Variants in TMEM92 observed in about 807,000 individuals in gnomAD.
The protein encoded by TMEM92 is transmembrane protein 92.
In TMEM92, 15 loss-of-function variants were observed where a neutral mutation model predicts 14.6. The ratio of observed to expected loss-of-function variants is 1.03; its 90% CI spans 0.69 to 1.58. TMEM92 has a LOEUF of 1.58. TMEM92 is among the 40% of genes most tolerant of loss of function. The probability of loss-of-function intolerance (pLI) is 0.00; values close to 1 mark genes in which losing one functional copy is unlikely to be tolerated. For missense variants in TMEM92, 174 were observed against 202.4 expected, an observed-to-expected ratio of 0.86 and a Z score of 0.85; for synonymous variants, 85 against 83.3, an observed-to-expected ratio of 1.02 and a Z score of -0.11.
chr17:50,275,287 G>A (rs190291216), intron 1 of TMEM92, among the ~76,000 whole-genome samples: 2 of 152,144 alleles, frequency 1.3e-5, no homozygotes, highest in East Asian at 1.9e-4. Flanking sequence ...TTTAAGAACC[G>A]GAGGGAAGTC....
At chr17:50,274,203 A>T (rs1482465046), upstream of TMEM92, among the ~76,000 whole-genome samples, 1 of 151,946 alleles carries the variant, frequency 6.6e-6, no homozygotes, top group East Asian at 1.9e-4. Context: ...CTGGTCTCGA[A>T]CTCCTGACCT....
chr17:50,277,144 G>T (rs1404441758), intron 1 of TMEM92, among the ~76,000 whole-genome samples: 9 of 152,146 alleles, frequency 5.9e-5, no homozygotes. Flanking sequence ...GGATCTGAAG[G>T]ATGAATGGAG....
Position 50,279,247 on chromosome 17 carries a change from A to G in TMEM92, c.419A>G (p.Tyr140Cys). The change falls in exon 5 of 5, where the codon TAC becomes TGC. Residue 140 changes from tyrosine (Y) to cysteine (C), a missense_variant. Coordinates refer to ENST00000507382, the MANE Select transcript of TMEM92 (RefSeq NM_153229.3). ...GPTPTEPPPP[Y>C]SFRPEEYTGD... ...ACTCCCACAGAGCCACCCCCTCCCTACAGCTTCAGGCCTGAAGAATATACC... is the reference window on the plus strand; with the variant it reads ...ACTCCCACAGAGCCACCCCCTCCCTGCAGCTTCAGGCCTGAAGAATATACC... 6.2e-7 allele frequency: 1 copy of G among 1,613,772 alleles called. No homozygotes were observed. The highest frequency in any genetic ancestry group is 1.3e-5 in the African/African-American group (1 of 74,982).
At position 50,277,713 on chromosome 17, in the gene TMEM92, A is replaced by G. The variant is rs1420132283; in HGVS notation, c.70-2A>G. 2 of 1,613,882 alleles carry G rather than the reference A, an allele frequency of 1.2e-6. No individual in the cohort carries two copies. Among genetic ancestry groups the G allele is most frequent in the Non-Finnish European group, 1.7e-6 (2 of 1,179,906 alleles). The stretch of plus-strand genomic sequence containing the variant: ...ACCCCCGACCTCTCTTTTCTTCCAC[A>G]GATTGCAGCCAAATGTGGTCTCATC... On this transcript the variant is annotated splice_acceptor_variant, in intron 1 of 4. Coordinates refer to ENST00000507382, the MANE Select transcript of TMEM92 (RefSeq NM_153229.3). LOFTEE classifies it high-confidence loss of function.
At position 50,277,745 on chromosome 17, in the gene TMEM92, G is replaced by A. The variant is rs781048826; in HGVS notation, c.95+5G>A. The A allele has an allele frequency of 1.2e-6, 2 of 1,613,896 alleles. No individual in the cohort carries two copies. Among genetic ancestry groups the A allele is most frequent in the Non-Finnish European group, 1.7e-6 (2 of 1,179,962 alleles). ...AGCCAAATGTGGTCTCATCCTGTAA[G>A]TCTAGAGGCCATAACTTCCAATCTG... is the stretch of plus-strand genomic sequence containing the variant. On this transcript the variant is annotated splice_donor_5th_base_variant and intron_variant, in intron 2 of 4. Transcript: ENST00000507382.
At position 50,278,582 on chromosome 17, in the gene TMEM92, G is replaced by T. The variant is rs370456083; in HGVS notation, c.122G>T (p.Cys41Phe). 1.9e-6 allele frequency: 3 copies of T among 1,613,980 alleles called. No individual in the cohort carries two copies. Among genetic ancestry groups the T allele is most frequent in the Non-Finnish European group, 2.5e-6 (3 of 1,180,004 alleles). ...GCCTGCCCCAAAGGATTCAAATGCT[G>T]TGGTGACAGCTGCTGCCAGGAGAAC... is the stretch of plus-strand genomic sequence containing the variant. ...ILACPKGFKC[C>F]GDSCCQENEL... The change falls in exon 3 of 5, where the codon TGT (cysteine) becomes TTT (phenylalanine). Residue 41 changes from cysteine (C) to phenylalanine (F), a missense_variant. Physicochemically the swap from Cys to Phe is radical, Grantham distance 205. Coordinates refer to ENST00000507382, the MANE Select transcript of TMEM92 (RefSeq NM_153229.3).
In TMEM92 at chr17:50,278,828, C is replaced by T. The variant is rs1239915601; in HGVS notation, c.198C>T (p.Ile66=). 1.2e-6 allele frequency: 2 copies of T among 1,612,990 alleles called. No homozygotes were observed. Among genetic ancestry groups the T allele is most frequent in the East Asian group, 2.2e-5 (1 of 44,844 alleles). The change falls in exon 4 of 5, where the codon ATC becomes ATT. Residue 66 remains isoleucine, a synonymous_variant. Transcript: ENST00000507382. ...VRIFVIIFLV[I]LSVFCICGLA... The stretch of plus-strand genomic sequence containing the variant: ...TCTTCGTCATCATCTTCCTGGTCAT[C>T]CTGTCCGTCTTTTGCATCTGTGGCC...
At chr17:50,274,973 CCCA>C in intron 1 of TMEM92, 1 of 195,750 alleles carries the variant, frequency 5.1e-6, no homozygotes, top group Non-Finnish European at 1.0e-5. Context: ...CTGGGATGTC[CCCA>C]CCCTCTTTGG....
chr17:50,279,066 C>CTCTG, intron 4 of TMEM92, 70 bp downstream of exon 4: 1 of 1,419,438 alleles, frequency 7.0e-7, no homozygotes, highest in Non-Finnish European at 9.9e-7. Flanking sequence ...GAGGGCCCTT[C>CTCTG]GATCCTGGAG....
chr17:50,277,951 G>T (rs554601663), intron 2 of TMEM92, among the ~76,000 whole-genome samples: 20 of 152,242 alleles, frequency 1.3e-4, no homozygotes, highest in African/African-American at 4.8e-4. Flanking sequence ...ACACTTGCAG[G>T]CAGGTCTGTA....
At chr17:50,278,456 A>C in intron 2 of TMEM92, 100 bp from the exon 3 acceptor site, 1 of 1,367,780 alleles carries the variant, frequency 7.3e-7, no homozygotes, top group South Asian at 1.3e-5. Flanking sequence ...GGCTTGTGCC[A>C]TGAGCATCTT....
rs1598331214 is a variant in TMEM92 at position 50,279,968 on chromosome 17, G to A, written c.*660G>A. 1 of 153,118 alleles carries A rather than the reference G, an allele frequency of 6.5e-6. No individual in the cohort carries two copies. The highest frequency in any genetic ancestry group is 1.5e-5 in the Non-Finnish European group (1 of 68,746). The allele number at this position is 153,118 out of a possible 1,614,324, so 9.5% of individuals were successfully genotyped here. On this transcript the variant is annotated 3_prime_UTR_variant, in exon 5 of 5. Transcript: ENST00000507382. ...TCCATCCATGGGCCGCCCTCGGAGA[G>A]AGGCTTGTTCTAGATGTATTGGCTG...
intron 1 of TMEM92, among the ~76,000 whole-genome samples, chr17:50,275,332 A>G (rs2143041916): frequency 6.6e-6 from 1 of 152,148 alleles, no homozygotes; most frequent in Middle Eastern, 3.4e-3. Context: ...AGAACAGGGC[A>G]CCTTCACACA....
upstream of TMEM92, among the ~76,000 whole-genome samples, chr17:50,271,987 C>T (rs536989425): frequency 2.6e-5 from 4 of 152,220 alleles, no homozygotes; most frequent in Middle Eastern, 6.8e-3. Context: ...TTGCAGTGAG[C>T]TCACACCACT....
chr17:50,279,021 C>A (rs747763498), intron 4 of TMEM92, 25 bp downstream of exon 4: 5 of 1,535,962 alleles, frequency 3.3e-6, no homozygotes, highest in Non-Finnish European at 4.5e-6. Context: ...CCCATCCCCA[C>A]CTTGCCTCTG....
chr17:50,279,525 C>G lies in TMEM92; in HGVS notation c.*217C>G. Reference sequence around the variant, plus strand: ...CTGGAGTGACAGTTTCCGCCCACCCCCCAGCCCAAGAAAGAGGCTGCCGGA... The same window carrying G: ...CTGGAGTGACAGTTTCCGCCCACCCGCCAGCCCAAGAAAGAGGCTGCCGGA... On this transcript the variant is annotated 3_prime_UTR_variant, in exon 5 of 5. Transcript: ENST00000507382. 1 of 517,958 alleles carries G rather than the reference C, an allele frequency of 1.9e-6. No individual in the cohort carries two copies. The highest frequency in any genetic ancestry group is 2.2e-5 in the South Asian group (1 of 45,702). The allele number at this position is 517,958 out of a possible 1,614,324, so 32.1% of individuals were successfully genotyped here. A position where few individuals can be genotyped will look rare whatever the true frequency, so the allele number is the denominator to read the frequency against.
chr17:50,278,243 G>C (rs975261828), intron 2 of TMEM92, among the ~76,000 whole-genome samples: 2 of 152,168 alleles, frequency 1.3e-5, no homozygotes, highest in Non-Finnish European at 2.9e-5. Flanking sequence ...CTTAGAGTTG[G>C]ATGAGGAGTG....
intron 1 of TMEM92, among the ~76,000 whole-genome samples, chr17:50,277,202 G>A (rs921273995): frequency 3.9e-5 from 6 of 152,144 alleles, no homozygotes; most frequent in African/African-American, 7.2e-5. Context: ...AACTCCCAGC[G>A]GGTGTGTGTG....
rs541388852 is a variant in TMEM92 at position 50,278,835 on chromosome 17, G to A, written c.205G>A (p.Val69Ile). Residue 69 changes from valine (V) to isoleucine (I), a missense_variant, in exon 4 of 5, where the codon GTC becomes ATC. Val to Ile is a conservative substitution (Grantham distance 29, BLOSUM62 3). Transcript: ENST00000507382. The stretch of plus-strand genomic sequence containing the variant: ...CATCATCTTCCTGGTCATCCTGTCC[G>A]TCTTTTGCATCTGTGGCCTGGCTAA... ...FVIIFLVILS[V>I]FCICGLAKCF... 15 of 1,613,342 alleles carry A rather than the reference G, an allele frequency of 9.3e-6. No individual in the cohort carries two copies. The highest frequency in any genetic ancestry group is 1.7e-4 in the Middle Eastern group (1 of 6,056).
Sources: allele counts gnomAD v4.1 joint callset (sites outside exome capture counted in the v4.1 genomes callset), GRCh38; gene constraint gnomAD v4.1.1; transcripts MANE v1.5; gene names NCBI Gene and HGNC (gene_info 2026-07-23, HGNC 2026-07-21).